The following ANKRD18B variants were observed in gnomAD, a reference collection of about 807,000 sequenced individuals.
ANKRD18B encodes ankyrin repeat domain 18B, also known as ankyrin repeat domain-containing protein 18B.
In ANKRD18B, 75 loss-of-function variants were observed where a neutral mutation model predicts 111.8. The observed-to-expected ratio is 0.67, with a 90% CI of 0.56 to 0.81. The LOEUF (loss-of-function observed/expected upper bound fraction) is 0.81, where lower values mean the gene tolerates loss of function less well. Ranked by LOEUF, ANKRD18B falls within the 40% of genes least tolerant of loss-of-function variation. ANKRD18B has a pLI of 0.00. For synonymous variants in ANKRD18B, 356 were observed against 417.3 expected (o/e 0.85, Z 1.79); for missense variants, 1,038 against 1,225.5 (o/e 0.85, Z 2.28).
At chr9:33,524,864 A>G (rs1828004445) in intron 1 of ANKRD18B, among the ~76,000 whole-genome samples, 169 bp downstream of exon 1, 1 of 152,248 alleles carries the variant, frequency 6.6e-6, no homozygotes, top group African/African-American at 2.4e-5. Flanking sequence ...CTTGGTGGAT[A>G]ATTGGAGTGA....
rs1228860784 is a variant in ANKRD18B, at chr9:33,536,925, A to G, written c.788A>G (p.His263Arg). The G allele has an allele frequency of 3.3e-6, 5 of 1,499,680 alleles. No individual in the cohort carries two copies. Among genetic ancestry groups the G allele is most frequent in the Admixed American group, 2.2e-5 (1 of 44,782 alleles). 92.9% of individuals were successfully genotyped at this position (1,499,680 alleles called of 1,614,324 possible). The part of the protein sequence containing the change: ...LEHKNKMLKN[H>R]LRNDNQEAAA... ...CATAAAAATAAGATGCTTAAAAATC[A>G]TCTTCGAAATGACAATCAAGGTAAG... Residue 263 changes from histidine to arginine, a missense_variant, in exon 6 of 19, where the codon CAT becomes CGT. This residue lies in a region of ANKRD18B where 93 missense variants were observed against 141.3 expected (regional missense o/e 0.66). Coordinates refer to ENST00000684830, the MANE Select transcript of ANKRD18B (RefSeq NM_001393611.1).
At position 33,567,118 on chromosome 9, in the gene ANKRD18B, G is replaced by A. The variant is rs1563909172; in HGVS notation, c.2758G>A (p.Glu920Lys). ...TTTGTTTTAGAAACAAGCAGAATAT[G>A]AAAAACAATTAGAGCAGTTAAACAA... ...EIHLQKQAEYEKQLEQLNKDN... is the reference protein window; with the variant it reads ...EIHLQKQAEYKKQLEQLNKDN... Residue 920 changes from glutamate to lysine, a missense_variant, in exon 16 of 19, where the codon GAA becomes AAA. Physicochemically the swap from Glu to Lys is moderately conservative, Grantham distance 56. Transcript: ENST00000684830. 2.6e-6 allele frequency: 4 copies of A among 1,530,484 alleles called. No individual in the cohort carries two copies. The highest frequency in any genetic ancestry group is 2.5e-5 in the East Asian group (1 of 40,642). The allele number at this position is 1,530,484 out of a possible 1,614,324, so 94.8% of individuals were successfully genotyped here.
intron 3 of ANKRD18B, among the ~76,000 whole-genome samples, chr9:33,530,991 T>G (rs1035512046): frequency 1.8e-4 from 27 of 152,346 alleles, no homozygotes; most frequent in Admixed American, 7.8e-4. Context: ...GAACCTTTTT[T>G]TTTCAGTTGC....
rs772867695 is a variant in ANKRD18B, at chr9:33,558,154, A to G, written c.2427A>G (p.Lys809=). 68 of 1,611,264 alleles carry G rather than the reference A, an allele frequency of 4.2e-5. No homozygotes were observed. Among genetic ancestry groups the G allele is most frequent in the Non-Finnish European group, 5.4e-5 (64 of 1,179,100 alleles). ...GAGACTTAAATACAGACCAACTGAA[A>G]ATGGATATTCTGTTTAAGAAGCTAA... ...CHGDLNTDQL[K]MDILFKKLKQ... Residue 809 remains lysine (K), a synonymous_variant, in exon 14 of 19, where the codon AAA becomes AAG. Transcript: ENST00000684830.
At chr9:33,565,663 G>T (rs1828673750) in intron 14 of ANKRD18B, among the ~76,000 whole-genome samples, 1 of 152,016 alleles carries the variant, frequency 6.6e-6, no homozygotes, top group Non-Finnish European at 1.5e-5. Flanking sequence ...GTAGAGATGG[G>T]GGTCTCACTA....
intron 9 of ANKRD18B, 130 bp from the exon 10 acceptor site, chr9:33,543,055 C>A: frequency 1.1e-6 from 1 of 901,914 alleles, no homozygotes; most frequent in Non-Finnish European, 1.7e-6. Context: ...GTAAATATTC[C>A]AGTAAACATT....
In ANKRD18B at chr9:33,529,132, A is replaced by G; in HGVS notation, c.454A>G (p.Arg152Gly). 6.2e-7 allele frequency: 1 copy of G among 1,611,938 alleles called. No individual in the cohort carries two copies. The highest frequency in any genetic ancestry group is 1.1e-5 in the South Asian group (1 of 90,954). ...TAATGAGGGGACTTCACTGGCAGAA[A>G]GACTGCTTTCCCACCATGCAAATAT... ...VYNEGTSLAE[R>G]LLSHHANIEA... The change falls in exon 3 of 19, where the codon AGA (arginine) becomes GGA (glycine). Residue 152 changes from arginine to glycine, a missense_variant. By Grantham distance (125) the Arg-to-Gly change is moderately radical (BLOSUM62 -2). Coordinates refer to ENST00000684830, the MANE Select transcript of ANKRD18B (RefSeq NM_001393611.1).
chr9:33,534,567 T>C, intron 5 of ANKRD18B, 60 bp downstream of exon 5: 1 of 1,454,976 alleles, frequency 6.9e-7, no homozygotes, highest in Non-Finnish European at 9.1e-7. Flanking sequence ...TAATTATAAC[T>C]ATTGCATCTT....
chr9:33,524,387 G>A lies in ANKRD18B; in HGVS notation c.-103G>A. 1.3e-6 allele frequency: 1 copy of A among 760,910 alleles called. No individual in the cohort carries two copies. The highest frequency in any genetic ancestry group is 1.9e-6 in the Non-Finnish European group (1 of 531,220). The allele number at this position is 760,910 out of a possible 1,614,324, so 47.1% of individuals were successfully genotyped here. A position where few individuals can be genotyped will look rare whatever the true frequency, so the allele number is the denominator to read the frequency against. On this transcript the variant is annotated 5_prime_UTR_variant, in exon 1 of 19. It adds an upstream start codon to the 5' untranslated region. Coordinates refer to ENST00000684830, the MANE Select transcript of ANKRD18B (RefSeq NM_001393611.1). ...CTTGGATTTAGGGGTGGATCGCTGG[G>A]TGGGGAGGGGGATCTCGAATTTGGA...
intron 3 of ANKRD18B, among the ~76,000 whole-genome samples, chr9:33,531,127 T>C (rs1828109216): frequency 6.6e-6 from 1 of 152,216 alleles, no homozygotes; most frequent in Non-Finnish European, 1.5e-5. Context: ...CTTTTAATAA[T>C]TTAGTTTCAG....
At chr9:33,558,370 C>A in intron 14 of ANKRD18B, among the ~76,000 whole-genome samples, 183 bp downstream of exon 14, 1 of 152,178 alleles carries the variant, frequency 6.6e-6, no homozygotes, top group East Asian at 1.9e-4. Flanking sequence ...CCCCAACAAG[C>A]CCCAGTGTTT....
chr9:33,571,933 G>C (rs1828785764), intron 18 of ANKRD18B: 1 of 164,288 alleles, frequency 6.1e-6, no homozygotes, highest in African/African-American at 2.4e-5. Context: ...CCTTCTGTGT[G>C]TTCCAGTAGT....
chr9:33,561,463 G>GTTGGC (rs1828605484), intron 14 of ANKRD18B, among the ~76,000 whole-genome samples: 1 of 152,106 alleles, frequency 6.6e-6, no homozygotes, highest in East Asian at 1.9e-4. Context: ...ATGCTTTTCA[G>GTTGGC]ATACTTTCTT....
intron 4 of ANKRD18B, among the ~76,000 whole-genome samples, chr9:33,534,133 A>G (rs1224868384): frequency 6.6e-6 from 1 of 152,098 alleles, no homozygotes. Flanking sequence ...TTCGTATTAC[A>G]TCATATCCCA....
At chr9:33,563,516 C>T (rs891693929) in intron 14 of ANKRD18B, among the ~76,000 whole-genome samples, 5 of 150,768 alleles carry the variant, frequency 3.3e-5, no homozygotes, top group East Asian at 1.9e-4. Context: ...GGGCTGAGTT[C>T]GAAGGGAAAG....
chr9:33,526,577 A>T (rs1828028356), intron 1 of ANKRD18B, among the ~76,000 whole-genome samples: 1 of 152,190 alleles, frequency 6.6e-6, no homozygotes, highest in South Asian at 2.1e-4. Flanking sequence ...AAAATTTATT[A>T]TTAATGGAAT....
chr9:33,531,790 G>GT (rs953082440), intron 3 of ANKRD18B, among the ~76,000 whole-genome samples: 1 of 151,240 alleles, frequency 6.6e-6, no homozygotes, highest in African/African-American at 2.4e-5. Context: ...GAATTCAGAA[G>GT]TTTTTTTAAC....
At chr9:33,574,981 T>C (rs1026002608), downstream of ANKRD18B, among the ~76,000 whole-genome samples, 1 of 152,148 alleles carries the variant, frequency 6.6e-6, no homozygotes, top group Non-Finnish European at 1.5e-5. Context: ...CTAGGTGAGA[T>C]GCACATCTCA....
intron 6 of ANKRD18B, among the ~76,000 whole-genome samples, chr9:33,538,288 GA>G (rs1439868311): frequency 1.3e-5 from 2 of 152,212 alleles, no homozygotes; most frequent in East Asian, 3.8e-4. Context: ...CCAAGAGGCA[GA>G]AGTTATGTTT....
Sources: allele counts gnomAD v4.1 joint callset (sites outside exome capture counted in the v4.1 genomes callset), GRCh38; gene constraint gnomAD v4.1.1; regional missense constraint gnomAD v4.1.1; transcripts MANE v1.5; gene names NCBI Gene and HGNC (gene_info 2026-07-23, HGNC 2026-07-21).